Variants in GSG1L observed in about 807,000 individuals in gnomAD.
The protein encoded by GSG1L is germ cell-specific gene 1-like protein.
In GSG1L, 24 loss-of-function variants were observed where a neutral mutation model predicts 42.1. The observed-to-expected ratio is 0.57, with a 90% CI of 0.41 to 0.80. The LOEUF (loss-of-function observed/expected upper bound fraction) is 0.80, where lower values mean the gene tolerates loss of function less well. Among genes scored for constraint, GSG1L ranks in the 30% least tolerant of loss-of-function variants. The probability of loss-of-function intolerance (pLI) is 0.00; values close to 1 mark genes in which losing one functional copy is unlikely to be tolerated. For synonymous variants in GSG1L, 215 were observed against 203.5 expected, an observed-to-expected ratio of 1.06 and a Z score of -0.48; for missense variants, 445 against 472.2, an observed-to-expected ratio of 0.94 and a Z score of 0.53.
At chr16:27,852,536 G>A (rs1352463131) in intron 3 of GSG1L, among the ~76,000 whole-genome samples, 1 of 152,060 alleles carries the variant, frequency 6.6e-6, no homozygotes, top group Non-Finnish European at 1.5e-5. Flanking sequence ...GGGTCAGAGG[G>A]AGGAGGAGGA....
chr16:27,892,789 C>CA (rs67758245), intron 2 of GSG1L, among the ~76,000 whole-genome samples: 1,926 of 96,610 alleles, frequency 0.02, 36 homozygotes, highest in Middle Eastern at 0.046. Context: ...GACTCAGTCT[C>CA]AAAAAAAAAA....
At chr16:27,827,925 TCATCCATC>T (rs1168416050) in intron 5 of GSG1L, among the ~76,000 whole-genome samples, 4 of 78,852 alleles carry the variant, frequency 5.1e-5, no homozygotes, top group Non-Finnish European at 8.3e-5. Flanking sequence ...CATCCACCAC[TCATCCATC>T]CATCCATCCA....
At chr16:27,974,944 G>A (rs1267150075) in intron 1 of GSG1L, among the ~76,000 whole-genome samples, 5 of 152,072 alleles carry the variant, frequency 3.3e-5, no homozygotes, top group Non-Finnish European at 7.4e-5. Flanking sequence ...GGTAACCAAG[G>A]GAAACCCAGG....
chr16:27,954,145 T>C (rs11860354), intron 2 of GSG1L, among the ~76,000 whole-genome samples: 1 of 152,050 alleles, frequency 6.6e-6, no homozygotes, highest in Non-Finnish European at 1.5e-5. Flanking sequence ...GACCTGGGTT[T>C]ACAAAGTCAA....
At chr16:27,848,099 A>G (rs542574407) in intron 3 of GSG1L, among the ~76,000 whole-genome samples, 2 of 152,212 alleles carry the variant, frequency 1.3e-5, no homozygotes, top group African/African-American at 4.8e-5. Context: ...TCAGTGGCTT[A>G]TATTTATAAA....
rs1354788384 is a variant in GSG1L at position 28,049,700 on chromosome 16, AAG to A, written c.349+13374_349+13375del. On this transcript the variant is annotated intron_variant, in intron 1 of 6. Transcript: ENST00000447459. The stretch of plus-strand genomic sequence containing the variant: ...AGACCCTGTCTCAAAAAAAAAAAAA[AAG>A]AAGAAGAAGTGGAAGACTAAAGTGA... Among the ~76,000 whole-genome samples, 637 of 151,446 alleles carry A rather than the reference AAG, an allele frequency of 4.2e-3. 5 individuals carry two copies. The highest frequency in any genetic ancestry group is 0.015 in the African/African-American group (598 of 41,172).
intron 2 of GSG1L, among the ~76,000 whole-genome samples, chr16:27,934,454 G>GGGAGGTT (rs2084692466): frequency 6.6e-6 from 1 of 152,214 alleles, no homozygotes; most frequent in Non-Finnish European, 1.5e-5. Flanking sequence ...AGAATCGCTT[G>GGGAGGTT]AACCTGGGAG....
chr16:27,994,197 A>G (rs1413189298), intron 1 of GSG1L, among the ~76,000 whole-genome samples: 1 of 152,106 alleles, frequency 6.6e-6, no homozygotes, highest in Non-Finnish European at 1.5e-5. Context: ...ACTGTAACAT[A>G]AGGATAGGAG....
At position 27,789,493 on chromosome 16, in the gene GSG1L, T is replaced by C. The variant is rs750785460; in HGVS notation, c.*1877A>G. On this transcript the variant is annotated 3_prime_UTR_variant, in exon 7 of 7. Transcript: ENST00000447459. ...GATGATGGATAGATGGATGAATGGA[T>C]AGATAGTGGATGGAAAGATGATGGA... 1.3e-5 allele frequency: 2 copies of C among 149,848 alleles called. No homozygotes were observed. Among genetic ancestry groups the C allele is most frequent in the Non-Finnish European group, 3.0e-5 (2 of 67,378 alleles). The allele number at this position is 149,848 out of a possible 1,614,324, so 9.3% of individuals were successfully genotyped here.
chr16:27,857,964 C>T lies in GSG1L; in HGVS notation c.551-12903G>A, dbSNP rs116596378. On this transcript the variant is annotated intron_variant, in intron 3 of 6. Coordinates refer to ENST00000447459, the MANE Select transcript of GSG1L (RefSeq NM_001109763.2). ...CAGTGTCAGGCCCCAGCTCACCCCC[C>T]ACCAGCTCAGTCCTTCTGCCTTAGC... Among the ~76,000 whole-genome samples, 1,147 of 152,284 alleles carry T rather than the reference C, an allele frequency of 7.5e-3. 22 individuals carry two copies. Among genetic ancestry groups the T allele is most frequent in the African/African-American group, 0.026 (1,092 of 41,544 alleles).
intron 2 of GSG1L, among the ~76,000 whole-genome samples, chr16:27,922,592 A>C (rs2084538019): frequency 6.6e-6 from 1 of 152,048 alleles, no homozygotes; most frequent in African/African-American, 2.4e-5. Context: ...ACTCTACACT[A>C]TTCTTTCTCC....
chr16:27,943,223 AT>A (rs748905217), intron 2 of GSG1L, among the ~76,000 whole-genome samples: 7 of 151,888 alleles, frequency 4.6e-5, no homozygotes, highest in Non-Finnish European at 1.0e-4. Context: ...CCCAGCCAAA[AT>A]TTGCATTTCT....
intron 4 of GSG1L, among the ~76,000 whole-genome samples, chr16:27,835,702 T>C (rs1042794888): frequency 3.3e-5 from 5 of 152,280 alleles, no homozygotes; most frequent in Admixed American, 6.5e-5. Flanking sequence ...GCTCTGGGTC[T>C]TACATTATAT....
intron 6 of GSG1L, among the ~76,000 whole-genome samples, chr16:27,804,042 G>GATAGAT (rs1480160013): frequency 3.3e-3 from 236 of 72,328 alleles, no homozygotes; most frequent in African/African-American, 9.9e-3. Context: ...TAGATGGATA[G>GATAGAT]ATAGATAGAT....
intron 1 of GSG1L, among the ~76,000 whole-genome samples, chr16:27,988,802 C>G (rs1176235065): frequency 6.7e-6 from 1 of 149,784 alleles, no homozygotes; most frequent in African/African-American, 2.4e-5. Context: ...CGTCTGTAAT[C>G]CCAGCACTTT....
rs541690125 is a variant in GSG1L, at chr16:27,862,910, T to C, written c.551-17849A>G. On this transcript the variant is annotated intron_variant, in intron 3 of 6. Transcript: ENST00000447459. ...ATGTTCTATATGTGTGTGCTTGAAA[T>C]AAACATATATTCTCTAGGGTTTTTT... Among the ~76,000 whole-genome samples, 239 of 152,262 alleles carry C rather than the reference T, an allele frequency of 1.6e-3. 2 individuals carry two copies. Among genetic ancestry groups the C allele is most frequent in the East Asian group, 2.5e-3 (13 of 5,188 alleles).
intron 1 of GSG1L, among the ~76,000 whole-genome samples, chr16:28,051,142 C>T (rs1052530119): frequency 2.6e-5 from 4 of 152,106 alleles, no homozygotes; most frequent in Non-Finnish European, 5.9e-5. Flanking sequence ...TGAGTCAACC[C>T]AAGTGTTCAT....
At chr16:28,023,546 G>A (rs937516403) in intron 1 of GSG1L, among the ~76,000 whole-genome samples, 6 of 152,114 alleles carry the variant, frequency 3.9e-5, no homozygotes, top group South Asian at 2.1e-4. Flanking sequence ...CATTGTGGTC[G>A]GGCCAGTTCC....
intron 2 of GSG1L, among the ~76,000 whole-genome samples, chr16:27,962,954 C>T (rs2085086634): frequency 6.6e-6 from 1 of 152,170 alleles, no homozygotes; most frequent in South Asian, 2.1e-4. Context: ...GGAGGGCAGA[C>T]AGTCCCCATC....
Sources: allele counts gnomAD v4.1 joint callset (sites outside exome capture counted in the v4.1 genomes callset), GRCh38; gene constraint gnomAD v4.1.1; transcripts MANE v1.5; gene names NCBI Gene and HGNC (gene_info 2026-07-23, HGNC 2026-07-21).